Variants in CRYBA1 observed in about 807,000 individuals in gnomAD.
CRYBA1 encodes crystallin beta A1, also known as beta-crystallin A3.
CRYBA1 carries 25 observed loss-of-function variants against 36.2 expected under a neutral mutation model. That is an observed-to-expected ratio of 0.69 (90% CI 0.50 to 0.97). The LOEUF is 0.97. CRYBA1 is among the 50% of genes least tolerant of loss of function. The probability of loss-of-function intolerance (pLI) is 0.00; values close to 1 mark genes in which losing one functional copy is unlikely to be tolerated. For missense variants in CRYBA1, 224 were observed against 276.3 expected (o/e 0.81, Z 1.34); for synonymous variants, 111 against 90.0 (o/e 1.23, Z -1.32).
rs779637320 is a variant in CRYBA1 at position 29,254,194 on chromosome 17, T to C, written c.501-8T>C. On this transcript the variant is annotated splice_region_variant and splice_polypyrimidine_tract_variant and intron_variant, in intron 5 of 5. Transcript: ENST00000225387. ...TTTTAATAATGAAATGTACTTTGAATTTCCTAGCTGGGTTTGCTACCAATA... is the reference window on the plus strand; with the variant it reads ...TTTTAATAATGAAATGTACTTTGAACTTCCTAGCTGGGTTTGCTACCAATA... 2 of 1,614,080 alleles carry C rather than the reference T, an allele frequency of 1.2e-6. No individual in the cohort carries two copies. Among genetic ancestry groups the C allele is most frequent in the East Asian group, 2.2e-5 (1 of 44,874 alleles).
In CRYBA1 at chr17:29,254,348, A is replaced by G. The variant is rs200480797; in HGVS notation, c.647A>G (p.Ter216TrpextTer17). ...CAATCGATTCGCCGAATCCAACAGTAGCTGATTAAAAGCTCCAAGTACGAT... is the reference window on the plus strand; with the variant it reads ...CAATCGATTCGCCGAATCCAACAGTGGCTGATTAAAAGCTCCAAGTACGAT... ...QIQSIRRIQQ[*>W] The change falls in exon 6 of 6, where the codon TAG (stop) becomes TGG (tryptophan). Residue 216 changes from the stop codon to tryptophan, a stop_lost. Transcript: ENST00000225387. The G allele has an allele frequency of 1.1e-4, 175 of 1,614,026 alleles. No homozygotes were observed. Among genetic ancestry groups the G allele is most frequent in the Non-Finnish European group, 1.4e-4 (169 of 1,180,020 alleles).
At chr17:29,254,071 T>C (rs934637778) in intron 5 of CRYBA1, 131 bp from the exon 6 acceptor site, 3 of 1,035,214 alleles carry the variant, frequency 2.9e-6, no homozygotes, top group Non-Finnish European at 4.3e-6. Flanking sequence ...GCCTGACACA[T>C]TTAGGATGGC....
rs2068919786 is a variant in CRYBA1, at chr17:29,249,146, C to T, written c.36C>T (p.Thr12=). Residue 12 remains threonine, a synonymous_variant, in exon 2 of 6, where the codon ACC becomes ACT. Coordinates refer to ENST00000225387, the MANE Select transcript of CRYBA1 (RefSeq NM_005208.5). ...ETQAEQQELE[T]LPTTKMAQTN... ...CGTGTGTGCTCTGTCTTCCAGAAAC[C>T]CTTCCAACCACCAAGATGGCTCAGA... is the stretch of plus-strand genomic sequence containing the variant. 6.2e-7 allele frequency: 1 copy of T among 1,611,704 alleles called. No homozygotes were observed. The highest frequency in any genetic ancestry group is 8.5e-7 in the Non-Finnish European group (1 of 1,177,794).
At chr17:29,253,582 GAAGA>G in intron 4 of CRYBA1, 54 bp from the exon 5 acceptor site, 1 of 1,404,694 alleles carries the variant, frequency 7.1e-7, no homozygotes, top group Non-Finnish European at 1.0e-6. Flanking sequence ...TGAAAAACAT[GAAGA>G]ATGATAGCCA....
chr17:29,254,127 A>C, intron 5 of CRYBA1, 75 bp from the exon 6 acceptor site: 1 of 1,517,332 alleles, frequency 6.6e-7, no homozygotes, highest in South Asian at 1.1e-5. Context: ...GTGTTGAGTA[A>C]AGAGGCTCAG....
chr17:29,247,004 C>T, intron 1 of CRYBA1, 110 bp downstream of exon 1: 1 of 1,265,680 alleles, frequency 7.9e-7, no homozygotes, highest in South Asian at 1.3e-5. Flanking sequence ...TCTAGGGTGG[C>T]TGGAGAAGAG....
At chr17:29,248,666 A>T (rs552824682) in intron 1 of CRYBA1, among the ~76,000 whole-genome samples, 25 of 151,694 alleles carry the variant, frequency 1.6e-4, no homozygotes, top group African/African-American at 5.6e-4. Context: ...TGCCCGGCCT[A>T]TTATTTCTGA....
Position 29,250,331 on chromosome 17 carries a change from C to A in CRYBA1, c.215+31C>A, listed in dbSNP as rs748271204. On this transcript the variant is annotated intron_variant, in intron 3 of 5. Transcript: ENST00000225387. The stretch of plus-strand genomic sequence containing the variant: ...TATGGACTTCCGCAGAACCGCAGCC[C>A]CTTATTTCAGGTCCCTTCAGACAGG... 1.7e-5 allele frequency: 22 copies of A among 1,279,248 alleles called. No individual in the cohort carries two copies. The South Asian group carries it at 2.6e-4, about 15-fold the overall frequency. 79.2% of individuals were successfully genotyped at this position (1,279,248 alleles called of 1,614,324 possible). A position where few individuals can be genotyped will look rare whatever the true frequency, so the allele number is the denominator to read the frequency against.
In CRYBA1 at chr17:29,253,726, G is replaced by A; in HGVS notation, c.444G>A (p.Leu148=). The A allele has an allele frequency of 6.2e-7, 1 of 1,614,178 alleles. No homozygotes were observed. Among genetic ancestry groups the A allele is most frequent in the Middle Eastern group, 1.6e-4 (1 of 6,062 alleles). Residue 148 remains leucine (L), a synonymous_variant, in exon 5 of 6, where the codon TTG becomes TTA. Transcript: ENST00000225387. ...AGATCTCTGACGACTACCCCTCCTT[G>A]CAAGCCATGGGCTGGTTCAACAACG... ...QWEISDDYPS[L]QAMGWFNNEV... is the part of the protein sequence containing the mutation.
At chr17:29,250,730 T>TA (rs2068930805) in intron 3 of CRYBA1, among the ~76,000 whole-genome samples, 1 of 152,108 alleles carries the variant, frequency 6.6e-6, no homozygotes, top group East Asian at 1.9e-4. Context: ...CAGACACTGT[T>TA]AGCTAATTTC....
chr17:29,254,175 T>C, intron 5 of CRYBA1, 27 bp from the exon 6 acceptor site: 5 of 1,613,304 alleles, frequency 3.1e-6, no homozygotes, highest in Non-Finnish European at 4.2e-6. Flanking sequence ...TTAGTTTTAA[T>C]AATGAAATGT....
Position 29,252,160 on chromosome 17 carries a change from C to T in CRYBA1, c.312C>T (p.Ala104=), listed in dbSNP as rs773472483. The part of the protein sequence containing the change: ...PRWDAWSGSN[A]YHIERLMSFR... ...GGGATGCCTGGAGTGGGAGTAATGC[C>T]TACCACATTGAGCGTCTCATGTCCT... Residue 104 remains alanine (A), a synonymous_variant, in exon 4 of 6, where the codon GCC becomes GCT. Transcript: ENST00000225387. 28 of 1,614,014 alleles carry T rather than the reference C, an allele frequency of 1.7e-5. No homozygotes were observed. The highest frequency in any genetic ancestry group is 2.7e-5 in the African/African-American group (2 of 74,908).
At chr17:29,252,273 G>A (rs1256643481) in intron 4 of CRYBA1, 68 bp downstream of exon 4, 6 of 1,593,576 alleles carry the variant, frequency 3.8e-6, no homozygotes, top group South Asian at 2.2e-5. Flanking sequence ...ACAGACTGAC[G>A]TTCATGCTAT....
In CRYBA1 at chr17:29,252,156, A is replaced by G; in HGVS notation, c.308A>G (p.Asn103Ser). ...CGCTGGGATGCCTGGAGTGGGAGTAATGCCTACCACATTGAGCGTCTCATG... is the reference window on the plus strand; with the variant it reads ...CGCTGGGATGCCTGGAGTGGGAGTAGTGCCTACCACATTGAGCGTCTCATG... ...YPRWDAWSGS[N>S]AYHIERLMSF... The change falls in exon 4 of 6, where the codon AAT becomes AGT. Residue 103 changes from asparagine (N) to serine (S), a missense_variant. Asn to Ser is a conservative substitution (Grantham distance 46). Coordinates refer to ENST00000225387, the MANE Select transcript of CRYBA1 (RefSeq NM_005208.5). The G allele has an allele frequency of 6.2e-7, 1 of 1,614,126 alleles. No homozygotes were observed. The highest frequency in any genetic ancestry group is 8.5e-7 in the Non-Finnish European group (1 of 1,180,014).
intron 3 of CRYBA1, 91 bp downstream of exon 3, chr17:29,250,391 T>C: frequency 3.7e-6 from 3 of 806,952 alleles, no homozygotes; most frequent in Non-Finnish European, 6.7e-6. Context: ...AGAAGGATGT[T>C]CCCCTAGGCT....
chr17:29,254,153 C>T (rs753941715), intron 5 of CRYBA1, 49 bp from the exon 6 acceptor site: 3 of 1,603,570 alleles, frequency 1.9e-6, no homozygotes, highest in East Asian at 2.2e-5. Context: ...GGGGTATTAA[C>T]CAGATTCCTA....
At chr17:29,252,301 G>GA in intron 4 of CRYBA1, 96 bp downstream of exon 4, 1 of 1,514,144 alleles carries the variant, frequency 6.6e-7, no homozygotes, top group Non-Finnish European at 9.1e-7. Context: ...CAGTTATGCT[G>GA]AATGTGGCAG....
chr17:29,254,161 C>T, intron 5 of CRYBA1, 41 bp from the exon 6 acceptor site: 1 of 1,609,818 alleles, frequency 6.2e-7, no homozygotes, highest in South Asian at 1.1e-5. Flanking sequence ...AACCAGATTC[C>T]TAATTAGTTT....
chr17:29,250,558 GT>G (rs2068929833), intron 3 of CRYBA1, among the ~76,000 whole-genome samples: 3 of 152,172 alleles, frequency 2.0e-5, no homozygotes, highest in Admixed American at 1.3e-4. Flanking sequence ...GACAGTGGCA[GT>G]AATCAAAATT....
Sources: allele counts gnomAD v4.1 joint callset (sites outside exome capture counted in the v4.1 genomes callset), GRCh38; gene constraint gnomAD v4.1.1; transcripts MANE v1.5; gene names NCBI Gene and HGNC (gene_info 2026-07-23, HGNC 2026-07-21).